The following PSMG2 variants were observed in gnomAD, a reference collection of about 807,000 sequenced individuals.
PSMG2 encodes CD40 ligand-activated specific transcript 3.
Under a neutral mutation model 31.5 loss-of-function variants are expected in PSMG2, and 21 were observed. The observed-to-expected ratio is 0.67, with a 90% CI of 0.47 to 0.96. The LOEUF (loss-of-function observed/expected upper bound fraction) is 0.96. Ranked by LOEUF, PSMG2 falls within the 40% of genes least tolerant of loss-of-function variation. The probability of loss-of-function intolerance (pLI) is 0.00; values close to 1 mark genes in which losing one functional copy is unlikely to be tolerated. For missense variants in PSMG2, 318 were observed against 321.2 expected, an observed-to-expected ratio of 0.99 and a Z score of 0.08; for synonymous variants, 120 against 110.4, an observed-to-expected ratio of 1.09 and a Z score of -0.54.
At chr18:12,668,516 T>G (rs1304830592) in intron 1 of PSMG2, among the ~76,000 whole-genome samples, 5 of 137,080 alleles carry the variant, frequency 3.6e-5, no homozygotes, top group Non-Finnish European at 7.6e-5. Context: ...GAGAATCACT[T>G]GAACCCAGGA....
At chr18:12,663,459 G>C (rs533512435) in intron 1 of PSMG2, 1 of 152,252 alleles carries the variant, frequency 6.6e-6, no homozygotes, top group African/African-American at 2.4e-5. Context: ...TTTTTGCAGA[G>C]ACGGGGTTTC....
upstream of PSMG2, chr18:12,702,381 C>T: frequency 1.2e-6 from 1 of 860,456 alleles, no homozygotes; most frequent in Non-Finnish European, 1.9e-6. Flanking sequence ...ACAATCCTCG[C>T]TACAGTCCCG....
chr18:12,708,676 A>G (rs373523071), intron 2 of PSMG2, among the ~76,000 whole-genome samples: 9 of 142,702 alleles, frequency 6.3e-5, no homozygotes, highest in African/African-American at 2.4e-4. Flanking sequence ...GTTTACATGT[A>G]ATTCATTTAA....
Position 12,703,050 on chromosome 18 carries a change from G to A in PSMG2, c.-58G>A, listed in dbSNP as rs939148273. 8.9e-6 allele frequency: 14 copies of A among 1,578,894 alleles called. No homozygotes were observed. The highest frequency in any genetic ancestry group is 1.2e-5 in the Non-Finnish European group (14 of 1,160,150). ...CGGGGTCTCGGGCTTCCGCCTTCTT[G>A]CTGCCCTCGTTCTTGCCAGGGCCGC... On this transcript the variant is annotated 5_prime_UTR_variant, in exon 1 of 7. Coordinates refer to ENST00000317615, the MANE Select transcript of PSMG2 (RefSeq NM_020232.5).
At chr18:12,719,416 C>T (rs1351092518) in intron 4 of PSMG2, among the ~76,000 whole-genome samples, 1 of 152,168 alleles carries the variant, frequency 6.6e-6, no homozygotes, top group African/African-American at 2.4e-5. Flanking sequence ...GAGACGGAGT[C>T]TTGCCCTGTC....
chr18:12,687,338 A>T (rs1332895843), intron 1 of PSMG2, among the ~76,000 whole-genome samples: 1 of 152,256 alleles, frequency 6.6e-6, no homozygotes, highest in Non-Finnish European at 1.5e-5. Flanking sequence ...CAAGGAAAAA[A>T]AAACTCACTT....
chr18:12,718,077 C>T (rs1240565270), intron 3 of PSMG2, among the ~76,000 whole-genome samples: 10 of 149,492 alleles, frequency 6.7e-5, no homozygotes, highest in African/African-American at 1.2e-4. Context: ...GGCACAATCT[C>T]GGTTCACTGC....
At chr18:12,715,526 A>G (rs2040368279) in intron 3 of PSMG2, among the ~76,000 whole-genome samples, 1 of 151,640 alleles carries the variant, frequency 6.6e-6, no homozygotes, top group Non-Finnish European at 1.5e-5. Flanking sequence ...TCTTTTTGAG[A>G]TGGAGTCTTG....
chr18:12,682,519 T>C (rs372125432), intron 1 of PSMG2, among the ~76,000 whole-genome samples: 44 of 152,170 alleles, frequency 2.9e-4, no homozygotes, highest in African/African-American at 1.0e-3. Flanking sequence ...AAATTGGATT[T>C]GGTGGTGCTA....
rs141227074 is a variant in PSMG2 at position 12,708,663 on chromosome 18, G to A, written c.229+1942G>A. Among the ~76,000 whole-genome samples, 79 of 150,816 alleles carry A rather than the reference G, an allele frequency of 5.2e-4. No individual in the cohort carries two copies. In the East Asian group the frequency reaches 0.014, roughly 26 times the overall value. On this transcript the variant is annotated intron_variant, in intron 2 of 6. Transcript: ENST00000317615. ...ACAGGCACAAGCCGCTGCGCCCAGCGGCGTTTACATGTAATTCATTTAATC... is the reference window on the plus strand; with the variant it reads ...ACAGGCACAAGCCGCTGCGCCCAGCAGCGTTTACATGTAATTCATTTAATC...
At chr18:12,693,943 C>G (rs1310131358) in intron 1 of PSMG2, among the ~76,000 whole-genome samples, 1 of 152,084 alleles carries the variant, frequency 6.6e-6, no homozygotes, top group African/African-American at 2.4e-5. Context: ...GCAATCCTCC[C>G]ATTTCAGCTT....
At chr18:12,724,202 T>C (rs568763604) in intron 5 of PSMG2, 2 of 268,488 alleles carry the variant, frequency 7.4e-6, no homozygotes, top group South Asian at 1.6e-4. Flanking sequence ...TGAAGTAGGT[T>C]TGGGGAGTAG....
At chr18:12,669,700 A>T (rs1358053854) in intron 1 of PSMG2, among the ~76,000 whole-genome samples, 1 of 152,180 alleles carries the variant, frequency 6.6e-6, no homozygotes, top group Non-Finnish European at 1.5e-5. Flanking sequence ...GGTAAATTTA[A>T]TTCTTAAAAA....
chr18:12,675,345 G>A (rs186177116), intron 1 of PSMG2, among the ~76,000 whole-genome samples: 16 of 152,064 alleles, frequency 1.1e-4, no homozygotes, highest in Admixed American at 7.2e-4. Context: ...GCAGTGAGCC[G>A]AGATCGTGCC....
At chr18:12,683,376 A>G (rs2039421149) in intron 1 of PSMG2, among the ~76,000 whole-genome samples, 1 of 151,254 alleles carries the variant, frequency 6.6e-6, no homozygotes, top group Non-Finnish European at 1.5e-5. Context: ...GAAAACAACA[A>G]CAACAAAACC....
At chr18:12,678,765 G>C (rs2039236842) in intron 1 of PSMG2, among the ~76,000 whole-genome samples, 1 of 151,982 alleles carries the variant, frequency 6.6e-6, no homozygotes, top group Non-Finnish European at 1.5e-5. Context: ...AGACTAACCT[G>C]ACCAACATGG....
chr18:12,682,458 G>A (rs2039385522), intron 1 of PSMG2, among the ~76,000 whole-genome samples: 1 of 151,492 alleles, frequency 6.6e-6, no homozygotes, highest in Non-Finnish European at 1.5e-5. Flanking sequence ...CAAAGTGCTG[G>A]GACTACAGGC....
chr18:12,703,026 G>C (rs1276375172), upstream of PSMG2: 1 of 1,498,776 alleles, frequency 6.7e-7, no homozygotes, highest in Middle Eastern at 1.8e-4. Context: ...GCGAGGCTCC[G>C]GGGTCTCGGG....
At chr18:12,689,339 T>C (rs1226008129) in intron 1 of PSMG2, among the ~76,000 whole-genome samples, 1 of 152,164 alleles carries the variant, frequency 6.6e-6, no homozygotes, top group East Asian at 1.9e-4. Flanking sequence ...TTACTCTATG[T>C]ATATGGAAAG....
Sources: gnomAD v4.1 joint callset for allele counts (sites outside exome capture counted in the v4.1 genomes callset) on GRCh38, gnomAD v4.1.1 for gene constraint, MANE v1.5 for transcripts, NCBI Gene and HGNC (gene_info 2026-07-23, HGNC 2026-07-21) for gene names.